Variants in CTNND2 observed in about 807,000 individuals in gnomAD.
CTNND2 encodes catenin delta 2.
A neutral mutation model predicts 144.4 loss-of-function variants in CTNND2; 22 were observed. The ratio of observed to expected loss-of-function variants is 0.15; its 90% CI spans 0.11 to 0.22. The LOEUF is 0.22. Ranked by LOEUF, CTNND2 falls within the 10% of genes least tolerant of loss-of-function variation. CTNND2 has a pLI of 1.00. For missense variants in CTNND2, 1,353 were observed against 1,618.8 expected (o/e 0.84, Z 2.82); for synonymous variants, 751 against 695.6 (o/e 1.08, Z -1.25).
intron 7 of CTNND2, among the ~76,000 whole-genome samples, chr5:11,377,114 G>A (rs1190500054): frequency 6.6e-6 from 1 of 151,160 alleles, no homozygotes; most frequent in South Asian, 2.1e-4. Context: ...GCAATGGCAC[G>A]ATCTTGGCTC....
intron 3 of CTNND2, among the ~76,000 whole-genome samples, chr5:11,541,044 T>C (rs1163612343): frequency 2.6e-5 from 4 of 152,192 alleles, no homozygotes; most frequent in Non-Finnish European, 5.9e-5. Flanking sequence ...CCATTGTTCT[T>C]ATCCAAAGCC....
intron 9 of CTNND2, among the ~76,000 whole-genome samples, chr5:11,280,298 G>GAAT (rs1364590415): frequency 1.3e-5 from 2 of 152,126 alleles, no homozygotes; most frequent in Non-Finnish European, 2.9e-5. Flanking sequence ...AATAATAAAG[G>GAAT]AATAATAATA....
chr5:11,114,424 T>C (rs921489992), intron 13 of CTNND2, among the ~76,000 whole-genome samples: 1 of 152,048 alleles, frequency 6.6e-6, no homozygotes, highest in Admixed American at 6.5e-5. Context: ...AGGGACCACA[T>C]TTATCTGTCA....
At chr5:11,723,904 A>C (rs1581778933) in intron 2 of CTNND2, among the ~76,000 whole-genome samples, 2 of 152,024 alleles carry the variant, frequency 1.3e-5, no homozygotes, top group East Asian at 3.9e-4. Context: ...AAGATACAAA[A>C]AATTAGCCGG....
intron 6 of CTNND2, among the ~76,000 whole-genome samples, chr5:11,389,663 C>A (rs1418367836): frequency 6.6e-6 from 1 of 152,098 alleles, no homozygotes; most frequent in African/African-American, 2.4e-5. Context: ...CATTAATGAA[C>A]AGTACTCAAG....
chr5:11,660,269 C>T (rs1477967562), intron 2 of CTNND2, among the ~76,000 whole-genome samples: 1 of 152,044 alleles, frequency 6.6e-6, no homozygotes, highest in Admixed American at 6.6e-5. Flanking sequence ...TAGGAACAAG[C>T]TACTTCATGA....
At chr5:11,128,861 T>TATA (rs1261020349) in intron 12 of CTNND2, among the ~76,000 whole-genome samples, 1 of 69,862 alleles carries the variant, frequency 1.4e-5, no homozygotes, top group Non-Finnish European at 2.8e-5. Context: ...ATATAATATA[T>TATA]ATAATATATA....
intron 3 of CTNND2, among the ~76,000 whole-genome samples, chr5:11,518,093 A>T (rs941803459): frequency 2.0e-5 from 3 of 152,212 alleles, no homozygotes; most frequent in Admixed American, 2.0e-4. Flanking sequence ...TCACATAACA[A>T]CATTTTGGTT....
chr5:11,244,280 ATT>A (rs11322159), intron 9 of CTNND2, among the ~76,000 whole-genome samples: 13,257 of 103,862 alleles, frequency 0.13, 375 homozygotes, highest in Non-Finnish European at 0.15. Flanking sequence ...GTCCTATACA[ATT>A]TTTTTTTTTT....
intron 16 of CTNND2, among the ~76,000 whole-genome samples, chr5:11,067,479 A>C (rs924660634): frequency 1.3e-5 from 2 of 152,350 alleles, no homozygotes; most frequent in Admixed American, 1.3e-4. Flanking sequence ...GCAAGAGGGA[A>C]TAACCAGATG....
chr5:11,264,712 C>T (rs1445102875), intron 9 of CTNND2, among the ~76,000 whole-genome samples: 1 of 152,120 alleles, frequency 6.6e-6, no homozygotes, highest in Non-Finnish European at 1.5e-5. Flanking sequence ...GGCGGTTGGC[C>T]TGAGCTCAGG....
At chr5:11,758,179 T>C (rs1227598381) in intron 1 of CTNND2, among the ~76,000 whole-genome samples, 1 of 151,954 alleles carries the variant, frequency 6.6e-6, no homozygotes, top group Non-Finnish European at 1.5e-5. Context: ...GAAGATGCCA[T>C]CTTTCTAATT....
chr5:11,580,529 C>G (rs562079443), intron 2 of CTNND2, among the ~76,000 whole-genome samples: 1 of 152,168 alleles, frequency 6.6e-6, no homozygotes, highest in Non-Finnish European at 1.5e-5. Flanking sequence ...ATATCCAAAT[C>G]TGATCTAGTT....
At chr5:11,241,289 C>T (rs1019059118) in intron 9 of CTNND2, among the ~76,000 whole-genome samples, 8 of 152,170 alleles carry the variant, frequency 5.3e-5, no homozygotes, top group Admixed American at 4.6e-4. Flanking sequence ...TGCACTTAGA[C>T]AACAATCTGT....
At position 11,135,946 on chromosome 5, in the gene CTNND2, C is replaced by G. The variant is rs184497817; in HGVS notation, c.2160-18379G>C. 1.8e-3 allele frequency among the ~76,000 whole-genome samples: 272 copies of G among 152,320 alleles called. 1 individual carries two copies. Among genetic ancestry groups the G allele is most frequent in the Middle Eastern group, 0.017 (5 of 294 alleles). On this transcript the variant is annotated intron_variant, in intron 12 of 21. Transcript: ENST00000304623. ...AATTAGCATTGGCTACTGCTATCAT[C>G]TGAATATCTGTGTCCCTCCTAAAAT...
At chr5:11,558,541 A>G in intron 3 of CTNND2, among the ~76,000 whole-genome samples, 1 of 151,054 alleles carries the variant, frequency 6.6e-6, no homozygotes, top group Non-Finnish European at 1.5e-5. Context: ...AATTTTTTGT[A>G]TTTTTTTTTG....
chr5:11,468,992 A>G (rs1038163759), intron 3 of CTNND2, among the ~76,000 whole-genome samples: 3 of 151,942 alleles, frequency 2.0e-5, no homozygotes, highest in African/African-American at 7.3e-5. Context: ...GTCATATATA[A>G]CTCTCTACGC....
chr5:11,765,864 T>C (rs1343407383), intron 1 of CTNND2, among the ~76,000 whole-genome samples: 7 of 152,244 alleles, frequency 4.6e-5, no homozygotes, highest in African/African-American at 1.4e-4. Context: ...TAATTTTAAA[T>C]TGTAAAATGC....
intron 1 of CTNND2, among the ~76,000 whole-genome samples, chr5:11,776,344 G>GT (rs1790252918): frequency 1.3e-5 from 2 of 152,240 alleles, no homozygotes; most frequent in South Asian, 4.1e-4. Context: ...GCCAACCTCT[G>GT]TAAGATAGAT....
Sources: allele counts gnomAD v4.1 joint callset (sites outside exome capture counted in the v4.1 genomes callset), GRCh38; gene constraint gnomAD v4.1.1; transcripts MANE v1.5; gene names NCBI Gene and HGNC (gene_info 2026-07-23, HGNC 2026-07-21).